Variants in ABCA6 observed in about 807,000 individuals in gnomAD.
The protein encoded by ABCA6 is ATP binding cassette subfamily A member 6.
Under a neutral mutation model 191.2 loss-of-function variants are expected in ABCA6, and 164 were observed. That is an observed-to-expected ratio of 0.86 (90% CI 0.76 to 0.98). The LOEUF (loss-of-function observed/expected upper bound fraction) is 0.98. ABCA6 is among the 50% of genes least tolerant of loss of function. The pLI is 0.00. For synonymous variants in ABCA6, 636 were observed against 647.7 expected, an observed-to-expected ratio of 0.98 and a Z score of 0.27; for missense variants, 1,958 against 1,894.1, an observed-to-expected ratio of 1.03 and a Z score of -0.63.
At chr17:69,111,026 G>T (rs2073412884) in intron 16 of ABCA6, 86 bp from the exon 17 acceptor site, 1 of 1,299,798 alleles carries the variant, frequency 7.7e-7, no homozygotes, top group Non-Finnish European at 1.0e-6. Flanking sequence ...CCTAGCTGTT[G>T]AGCACAACTT....
chr17:69,129,625 TA>T lies in ABCA6; in HGVS notation c.917del (p.Leu306TyrfsTer7), dbSNP rs750282619. 2.6e-5 allele frequency: 42 copies of T among 1,591,620 alleles called. No individual in the cohort carries two copies. The highest frequency in any genetic ancestry group is 1.7e-4 in the Middle Eastern group (1 of 5,996). On this transcript the variant is annotated frameshift_variant, in exon 7 of 39. Coordinates refer to ENST00000284425, the MANE Select transcript of ABCA6 (RefSeq NM_080284.3). LOFTEE classifies it high-confidence loss of function. The part of the protein sequence containing the change: ...GFMVIFILFF[L>X]YGLSLVALVF... ...ATCAACTTACCAAAGATAAGCCATA[TA>T]AAAAAAAGAGTATAAATATGACCAT...
At chr17:69,108,176 A>G (rs1428290755) in intron 17 of ABCA6, 1 of 178,896 alleles carries the variant, frequency 5.6e-6, no homozygotes, top group Non-Finnish European at 1.2e-5. Flanking sequence ...TAAGTCTTTC[A>G]ATGCTTTCTC....
intron 9 of ABCA6, among the ~76,000 whole-genome samples, chr17:69,124,353 A>G (rs1219354726): frequency 2.0e-5 from 3 of 151,992 alleles, no homozygotes; most frequent in South Asian, 4.1e-4. Context: ...TGATTCTAGA[A>G]TGTGTGAAAA....
At position 69,086,653 on chromosome 17, in the gene ABCA6, AT is replaced by A; in HGVS notation, c.3901del (p.Ile1301Ter). 6.2e-7 allele frequency: 1 copy of A among 1,612,636 alleles called. No homozygotes were observed. The highest frequency in any genetic ancestry group is 8.5e-7 in the Non-Finnish European group (1 of 1,179,094). On this transcript the variant is annotated frameshift_variant, in exon 30 of 39. Coordinates refer to ENST00000284425, the MANE Select transcript of ABCA6 (RefSeq NM_080284.3). LOFTEE classifies it high-confidence loss of function. ...ACAGAAAGAGATATTTCTTGCTGCT[AT>A]TTTCTTCTTCCTCTTTGAAAAGCAA... ...KSCFSKRKKK[I>X]AARNISFCVQ...
intron 22 of ABCA6, among the ~76,000 whole-genome samples, chr17:69,100,479 T>C (rs543989217): frequency 2.0e-5 from 3 of 152,334 alleles, no homozygotes; most frequent in African/African-American, 7.2e-5. Flanking sequence ...TTACAAGTTC[T>C]CCTGATTTCC....
At chr17:69,125,151 A>T in intron 8 of ABCA6, 116 bp from the exon 9 acceptor site, 1 of 410,938 alleles carries the variant, frequency 2.4e-6, no homozygotes, top group Non-Finnish European at 4.2e-6. Flanking sequence ...AGTAGTTACT[A>T]GTCAAATATA....
intron 37 of ABCA6, among the ~76,000 whole-genome samples, chr17:69,080,635 A>G (rs2072608348): frequency 6.6e-6 from 1 of 152,230 alleles, no homozygotes; most frequent in Admixed American, 6.5e-5. Flanking sequence ...TGTTGCTTCT[A>G]TTTTATTAGT....
intron 6 of ABCA6, among the ~76,000 whole-genome samples, chr17:69,133,341 T>C (rs2073896953): frequency 6.6e-6 from 1 of 152,220 alleles, no homozygotes; most frequent in African/African-American, 2.4e-5. Flanking sequence ...TCACCCTCCA[T>C]CTCACATTGG....
intron 20 of ABCA6, among the ~76,000 whole-genome samples, chr17:69,103,199 G>A (rs1363362405): frequency 6.6e-6 from 1 of 152,036 alleles, no homozygotes; most frequent in Non-Finnish European, 1.5e-5. Context: ...AAATTAACAT[G>A]TAATCATAAA....
intron 36 of ABCA6, among the ~76,000 whole-genome samples, chr17:69,082,449 CTT>C (rs1259315479): frequency 2.0e-5 from 3 of 152,094 alleles, no homozygotes; most frequent in Admixed American, 1.3e-4. Context: ...AAGAAAGACT[CTT>C]TGATTATCTC....
chr17:69,119,049 T>C (rs954989299), intron 10 of ABCA6, among the ~76,000 whole-genome samples: 4 of 152,182 alleles, frequency 2.6e-5, no homozygotes, highest in East Asian at 3.9e-4. Flanking sequence ...ATTCATATTA[T>C]ATTCACATTA....
chr17:69,093,082 T>A (rs1055548081), intron 25 of ABCA6, among the ~76,000 whole-genome samples: 1 of 152,186 alleles, frequency 6.6e-6, no homozygotes, highest in Non-Finnish European at 1.5e-5. Context: ...TTTTTTAACA[T>A]GAGGAATGAC....
At chr17:69,116,342 G>T (rs888627287) in intron 11 of ABCA6, among the ~76,000 whole-genome samples, 1 of 151,982 alleles carries the variant, frequency 6.6e-6, no homozygotes, top group Non-Finnish European at 1.5e-5. Context: ...ATAGTTTCCC[G>T]CACACACCAA....
Position 69,140,600 on chromosome 17 carries a change from A to T in ABCA6, c.96+8T>A, listed in dbSNP as rs754657207. 4.4e-6 allele frequency: 7 copies of T among 1,582,316 alleles called. No individual in the cohort carries two copies. The highest frequency in any genetic ancestry group is 6.0e-6 in the Non-Finnish European group (7 of 1,164,648). On this transcript the variant is annotated splice_region_variant and intron_variant, in intron 2 of 38. Coordinates refer to ENST00000284425, the MANE Select transcript of ABCA6 (RefSeq NM_080284.3). Reference sequence around the variant, plus strand: ...TAACCGTGGAAAGAGACAAATTTTTAAACATACCAATAAGCTCTCTCTTTT... The same window carrying T: ...TAACCGTGGAAAGAGACAAATTTTTTAACATACCAATAAGCTCTCTCTTTT...
At chr17:69,086,211 A>C (rs1260873199) in intron 30 of ABCA6, among the ~76,000 whole-genome samples, 3 of 152,264 alleles carry the variant, frequency 2.0e-5, no homozygotes, top group African/African-American at 7.2e-5. Context: ...TAAATATGAC[A>C]CAAGTCCGCT....
At chr17:69,121,670 C>T (rs1243114031) in intron 10 of ABCA6, among the ~76,000 whole-genome samples, 1 of 151,892 alleles carries the variant, frequency 6.6e-6, no homozygotes, top group Non-Finnish European at 1.5e-5. Context: ...GGTCACTAGG[C>T]AGCAGTAGAA....
chr17:69,133,096 T>C (rs2073893637), intron 6 of ABCA6, among the ~76,000 whole-genome samples: 1 of 152,218 alleles, frequency 6.6e-6, no homozygotes, highest in South Asian at 2.1e-4. Flanking sequence ...GCCTTTGTGT[T>C]GTATGTCCTA....
intron 15 of ABCA6, 32 bp from the exon 16 acceptor site, chr17:69,112,305 T>C (rs373678847): frequency 2.7e-4 from 418 of 1,524,930 alleles, no homozygotes; most frequent in Non-Finnish European, 3.5e-4. Context: ...AGAAAAGATA[T>C]TGGGGGTCAT....
chr17:69,137,432 C>G lies in ABCA6; in HGVS notation c.165G>C (p.Gln55His), dbSNP rs1306651917. 1 of 1,613,588 alleles carries G rather than the reference C, an allele frequency of 6.2e-7. No homozygotes were observed. Reference protein sequence around the residue: ...ALFSSSMRNVQFPGMAPQNLG... With the variant: ...ALFSSSMRNVHFPGMAPQNLG... ...GATTCTGAGGAGCCATTCCAGGAAA[C>G]TGGACATTTCTCATGGAACTGGAAA... is the stretch of plus-strand genomic sequence containing the variant. Residue 55 changes from glutamine to histidine, a missense_variant, in exon 3 of 39, where the codon CAG becomes CAC. Gln to His is a conservative substitution (Grantham distance 24). Coordinates refer to ENST00000284425, the MANE Select transcript of ABCA6 (RefSeq NM_080284.3).
Sources: allele counts gnomAD v4.1 joint callset (sites outside exome capture counted in the v4.1 genomes callset), GRCh38; gene constraint gnomAD v4.1.1; transcripts MANE v1.5; gene names NCBI Gene and HGNC (gene_info 2026-07-23, HGNC 2026-07-21).